Variants in CACNA2D3 observed in about 807,000 individuals in gnomAD.
The protein encoded by CACNA2D3 is calcium voltage-gated channel auxiliary subunit alpha2delta 3.
A neutral mutation model predicts 160.6 loss-of-function variants in CACNA2D3; 60 were observed. The ratio of observed to expected loss-of-function variants is 0.37; its 90% CI spans 0.30 to 0.46. The LOEUF is 0.46. Among genes scored for constraint, CACNA2D3 ranks in the 20% least tolerant of loss-of-function variants. The probability of loss-of-function intolerance (pLI) is 1.00; values close to 1 mark genes in which losing one functional copy is unlikely to be tolerated. For synonymous variants in CACNA2D3, 558 were observed against 492.9 expected, an observed-to-expected ratio of 1.13 and a Z score of -1.75; for missense variants, 1,205 against 1,365.0, an observed-to-expected ratio of 0.88 and a Z score of 1.85.
At chr3:54,572,284 T>A (rs1415164401) in intron 8 of CACNA2D3, among the ~76,000 whole-genome samples, 3 of 152,220 alleles carry the variant, frequency 2.0e-5, no homozygotes, top group Non-Finnish European at 1.5e-5. Context: ...GAGCAGGGGT[T>A]AGTCTTGTTC....
At chr3:54,201,180 A>G (rs1240905927) in intron 2 of CACNA2D3, among the ~76,000 whole-genome samples, 1 of 152,214 alleles carries the variant, frequency 6.6e-6, no homozygotes. Flanking sequence ...TTTTGTATAT[A>G]TTGGATTAAA....
At chr3:54,766,846 T>C (rs1702233841) in intron 13 of CACNA2D3, among the ~76,000 whole-genome samples, 1 of 151,702 alleles carries the variant, frequency 6.6e-6, no homozygotes. Flanking sequence ...TATAGCATAC[T>C]ACTTTTTGCA....
chr3:54,139,955 G>A (rs1434310805), intron 2 of CACNA2D3, among the ~76,000 whole-genome samples: 1 of 152,172 alleles, frequency 6.6e-6, no homozygotes, highest in East Asian at 1.9e-4. Context: ...TCCTGAAACC[G>A]GAAGCTGGCC....
chr3:54,899,521 G>C (rs1700277825), intron 26 of CACNA2D3, among the ~76,000 whole-genome samples: 1 of 152,164 alleles, frequency 6.6e-6, no homozygotes, highest in African/African-American at 2.4e-5. Flanking sequence ...GGTGGTCAAT[G>C]GTTTCGATGT....
chr3:54,760,739 T>G (rs1702066756), intron 12 of CACNA2D3, among the ~76,000 whole-genome samples: 1 of 151,876 alleles, frequency 6.6e-6, no homozygotes, highest in Admixed American at 6.6e-5. Context: ...GTATTACATA[T>G]GGGGTGGGGT....
intron 27 of CACNA2D3, among the ~76,000 whole-genome samples, chr3:54,958,524 G>A (rs1701957548): frequency 6.6e-6 from 1 of 152,202 alleles, no homozygotes. Context: ...GCATTTTGGA[G>A]TCTGGGCAGG....
intron 13 of CACNA2D3, among the ~76,000 whole-genome samples, chr3:54,794,724 C>T (rs1702833265): frequency 6.6e-6 from 1 of 151,522 alleles, no homozygotes; most frequent in African/African-American, 2.4e-5. Flanking sequence ...AGTGGCTGCT[C>T]TAGGGTCATT....
chr3:54,128,622 G>A (rs1372078567), intron 2 of CACNA2D3, among the ~76,000 whole-genome samples: 2 of 152,134 alleles, frequency 1.3e-5, no homozygotes, highest in Non-Finnish European at 2.9e-5. Context: ...CTTCACCCCA[G>A]CACATCTCCT....
intron 31 of CACNA2D3, among the ~76,000 whole-genome samples, chr3:54,996,377 T>C (rs3773574): frequency 2.6e-5 from 4 of 152,064 alleles, no homozygotes; most frequent in Admixed American, 1.3e-4. Context: ...GTGAAGCTAA[T>C]TTCCATGGGA....
chr3:54,290,875 C>G (rs536474812), intron 2 of CACNA2D3, among the ~76,000 whole-genome samples: 2 of 150,576 alleles, frequency 1.3e-5, no homozygotes, highest in East Asian at 3.9e-4. Context: ...CACACGGACA[C>G]AGGAAGGGGA....
intron 11 of CACNA2D3, among the ~76,000 whole-genome samples, chr3:54,727,370 C>G (rs567590676): frequency 1.3e-5 from 2 of 152,262 alleles, no homozygotes; most frequent in East Asian, 3.9e-4. Flanking sequence ...GGATCTAGAA[C>G]TAGAAATACG....
chr3:54,992,185 G>A (rs1702756977), intron 31 of CACNA2D3, among the ~76,000 whole-genome samples: 1 of 152,168 alleles, frequency 6.6e-6, no homozygotes, highest in African/African-American at 2.4e-5. Context: ...AAGCTTCTCT[G>A]TGATTCTCAT....
At chr3:54,501,387 T>C (rs574972645) in intron 4 of CACNA2D3, among the ~76,000 whole-genome samples, 4 of 149,802 alleles carry the variant, frequency 2.7e-5, no homozygotes, top group Non-Finnish European at 4.4e-5. Context: ...GTACCTTCAT[T>C]TATTCTTGCT....
intron 35 of CACNA2D3, among the ~76,000 whole-genome samples, chr3:55,063,337 G>T (rs1704559368): frequency 6.6e-6 from 1 of 150,528 alleles, no homozygotes; most frequent in African/African-American, 2.5e-5. Context: ...CACAATTCTA[G>T]ACCAGACAGT....
At chr3:54,736,122 TATATATATGTATATATATACAC>T (rs1701522920) in intron 11 of CACNA2D3, among the ~76,000 whole-genome samples, 2 of 64,810 alleles carry the variant, frequency 3.1e-5, no homozygotes, top group African/African-American at 1.1e-4. Context: ...TATATATACA[TATATATATGTATATATATACAC>T]ACACACACAC....
At chr3:54,719,422 A>T (rs2106983739) in intron 11 of CACNA2D3, among the ~76,000 whole-genome samples, 1 of 151,782 alleles carries the variant, frequency 6.6e-6, no homozygotes, top group African/African-American at 2.4e-5. Context: ...AAATTATATA[A>T]TTTTTTCTTC....
intron 35 of CACNA2D3, among the ~76,000 whole-genome samples, chr3:55,033,701 T>A (rs1703729383): frequency 7.8e-6 from 1 of 128,392 alleles, no homozygotes; most frequent in African/African-American, 2.9e-5. Flanking sequence ...CCTTAAAAAA[T>A]ATATATAATA....
At chr3:54,472,341 C>T (rs1700748657) in intron 4 of CACNA2D3, among the ~76,000 whole-genome samples, 1 of 152,200 alleles carries the variant, frequency 6.6e-6, no homozygotes. Flanking sequence ...CGATAAAATT[C>T]AACACCCCTT....
rs532217367 is a variant in CACNA2D3, at chr3:54,831,875, T to C, written c.1399-5284T>C. Reference sequence around the variant, plus strand: ...CATTGAAGCTAAAAGAGAAAACTTATTGGCTCAGGCAACCCCATAATGGAA... The same window carrying C: ...CATTGAAGCTAAAAGAGAAAACTTACTGGCTCAGGCAACCCCATAATGGAA... On this transcript the variant is annotated intron_variant, in intron 14 of 37. Coordinates refer to ENST00000474759, the MANE Select transcript of CACNA2D3 (RefSeq NM_018398.3). Among the ~76,000 whole-genome samples, 20 of 152,228 alleles carry C rather than the reference T, an allele frequency of 1.3e-4. No homozygotes were observed. The East Asian group carries it at 2.5e-3, about 19-fold the overall frequency.
Sources: gnomAD v4.1 joint callset for allele counts (sites outside exome capture counted in the v4.1 genomes callset) on GRCh38, gnomAD v4.1.1 for gene constraint, MANE v1.5 for transcripts, NCBI Gene and HGNC (gene_info 2026-07-23, HGNC 2026-07-21) for gene names.